Variants in ZMIZ1 observed in about 807,000 individuals in gnomAD.
ZMIZ1 encodes the protein zinc finger MIZ domain-containing protein 1.
In ZMIZ1, 17 loss-of-function variants were observed where a neutral mutation model predicts 113.9. That is an observed-to-expected ratio of 0.15 (90% CI 0.10 to 0.22). ZMIZ1 has a LOEUF of 0.22. Among genes scored for constraint, ZMIZ1 ranks in the 10% least tolerant of loss-of-function variants. The pLI, the probability that ZMIZ1 is intolerant of heterozygous loss-of-function variation, is 1.00. For missense variants in ZMIZ1, 1,059 were observed against 1,477.8 expected (o/e 0.72, Z 4.65); for synonymous variants, 607 against 603.1 (o/e 1.01, Z -0.09).
chr10:79,159,564 G>T (rs902536727), intron 3 of ZMIZ1, among the ~76,000 whole-genome samples: 2 of 152,210 alleles, frequency 1.3e-5, no homozygotes, highest in Admixed American at 1.3e-4. Flanking sequence ...CTTATTAGCT[G>T]TGCGACCTCA....
At chr10:79,219,143 G>A (rs752027564) in intron 7 of ZMIZ1, among the ~76,000 whole-genome samples, 1 of 152,134 alleles carries the variant, frequency 6.6e-6, no homozygotes, top group Non-Finnish European at 1.5e-5. Context: ...AGACAAGAGT[G>A]GAATGGAGAC....
chr10:79,302,095 C>T lies in ZMIZ1; in HGVS notation c.2020-12C>T, dbSNP rs767646153. 6.2e-7 allele frequency: 1 copy of T among 1,613,158 alleles called. No individual in the cohort carries two copies. Among genetic ancestry groups the T allele is most frequent in the Non-Finnish European group, 8.5e-7 (1 of 1,179,654 alleles). Reference sequence around the variant, plus strand: ...AGTGCACAGGAACTGAGTGTCTCCTCTCTCCCCGCAGTCCCACCTCTTCGT... The same window carrying T: ...AGTGCACAGGAACTGAGTGTCTCCTTTCTCCCCGCAGTCCCACCTCTTCGT... On this transcript the variant is annotated splice_polypyrimidine_tract_variant and intron_variant, in intron 17 of 24. Coordinates refer to ENST00000334512, the MANE Select transcript of ZMIZ1 (RefSeq NM_020338.4).
intron 5 of ZMIZ1, among the ~76,000 whole-genome samples, chr10:79,205,509 C>T (rs1040825506): frequency 2.6e-5 from 4 of 152,214 alleles, no homozygotes; most frequent in Non-Finnish European, 4.4e-5. Context: ...AACAGAGAAC[C>T]GTGGAGGGGC....
intron 7 of ZMIZ1, among the ~76,000 whole-genome samples, chr10:79,263,719 G>C (rs1319011597): frequency 1.3e-5 from 2 of 152,046 alleles, no homozygotes; most frequent in African/African-American, 4.8e-5. Flanking sequence ...TGGACACTAA[G>C]GGTTGAGGTC....
chr10:79,175,285 C>T (rs1020393508), intron 4 of ZMIZ1, among the ~76,000 whole-genome samples: 1 of 152,236 alleles, frequency 6.6e-6, no homozygotes, highest in African/African-American at 2.4e-5. Flanking sequence ...TGTCCCACTG[C>T]CCTCACGCTT....
chr10:79,093,567 T>C (rs1843064172), intron 1 of ZMIZ1, among the ~76,000 whole-genome samples: 2 of 152,124 alleles, frequency 1.3e-5, no homozygotes, highest in Non-Finnish European at 2.9e-5. Context: ...CCTCAAGTGA[T>C]CCACCCACTT....
At position 79,245,576 on chromosome 10, in the gene ZMIZ1, G is replaced by A. The variant is rs368157686; in HGVS notation, c.280+29302G>A. Among the ~76,000 whole-genome samples, 33 of 152,304 alleles carry A rather than the reference G, an allele frequency of 2.2e-4. No individual in the cohort carries two copies. In the East Asian group the frequency reaches 3.5e-3, roughly 16 times the overall value. On this transcript the variant is annotated intron_variant, in intron 7 of 24. Coordinates refer to ENST00000334512, the MANE Select transcript of ZMIZ1 (RefSeq NM_020338.4). The stretch of plus-strand genomic sequence containing the variant: ...CACTTCCAGATCTCAGTCTGCATTG[G>A]TTGAGCACCCAGTCCATGCAGTCCC...
intron 1 of ZMIZ1, among the ~76,000 whole-genome samples, chr10:79,090,899 C>T (rs574027458): frequency 6.6e-6 from 1 of 152,332 alleles, no homozygotes; most frequent in Non-Finnish European, 1.5e-5. Context: ...ATACACTGGC[C>T]TCATCGCCAG....
chr10:79,197,611 T>TACACACACACACACACACACACACACAC (rs71482719), intron 4 of ZMIZ1, among the ~76,000 whole-genome samples: 1 of 89,992 alleles, frequency 1.1e-5, no homozygotes, highest in Non-Finnish European at 2.7e-5. Flanking sequence ...CACACACACA[T>TACACACACACACACACACACACACACAC]ACACACACAC....
Position 79,190,388 on chromosome 10 carries a change from G to A in ZMIZ1, c.-49-11196G>A, listed in dbSNP as rs190810737. Reference sequence around the variant, plus strand: ...TGGGGCCTTCAAGGCTCTGCTCTACGCTCCCTGCCTCAGGCCTCCGTTTCC... The same window carrying A: ...TGGGGCCTTCAAGGCTCTGCTCTACACTCCCTGCCTCAGGCCTCCGTTTCC... On this transcript the variant is annotated intron_variant, in intron 4 of 24. Transcript: ENST00000334512. Among the ~76,000 whole-genome samples the A allele has an allele frequency of 2.3e-3, 357 of 152,262 alleles. 1 individual carries two copies. Among genetic ancestry groups the A allele is most frequent in the African/African-American group, 8.0e-3 (334 of 41,560 alleles).
intron 2 of ZMIZ1, among the ~76,000 whole-genome samples, chr10:79,120,695 A>G (rs933923647): frequency 1.3e-5 from 2 of 150,984 alleles, no homozygotes; most frequent in African/African-American, 4.9e-5. Flanking sequence ...AATTTTGGGC[A>G]CTCTGCAGGG....
chr10:79,308,834 A>G (rs1854913371), intron 23 of ZMIZ1, among the ~76,000 whole-genome samples: 1 of 151,982 alleles, frequency 6.6e-6, no homozygotes, highest in South Asian at 2.1e-4. Context: ...AGTTCCTAAC[A>G]CTGGAATATG....
intron 4 of ZMIZ1, among the ~76,000 whole-genome samples, chr10:79,171,879 G>A (rs1219479990): frequency 6.6e-6 from 1 of 152,172 alleles, no homozygotes; most frequent in East Asian, 1.9e-4. Flanking sequence ...CAGCAAGGAC[G>A]GAGCCATGCT....
chr10:79,263,917 A>G (rs1251506614), intron 7 of ZMIZ1, among the ~76,000 whole-genome samples: 2 of 152,100 alleles, frequency 1.3e-5, no homozygotes, highest in Non-Finnish European at 2.9e-5. Context: ...AACTGCCTAC[A>G]CCCACCTGGG....
rs1485193159 is a variant in ZMIZ1 at position 79,201,552 on chromosome 10, ATCC to A, written c.-49-31_-49-29del. The A allele has an allele frequency of 2.3e-4, 347 of 1,537,646 alleles. No individual in the cohort carries two copies. In the East Asian group the frequency reaches 3.6e-3, roughly 16 times the overall value. ...GCTCAAGGTTGGCAGGCCTGGCGTG[ATCC>A]AGTGACAACCTCTCCTTTCTCTTCG... On this transcript the variant is annotated intron_variant, in intron 4 of 24. Coordinates refer to ENST00000334512, the MANE Select transcript of ZMIZ1 (RefSeq NM_020338.4).
rs184389481 is a variant in ZMIZ1 at position 79,194,850 on chromosome 10, C to T, written c.-49-6734C>T. Among the ~76,000 whole-genome samples the T allele has an allele frequency of 1.5e-3, 222 of 152,358 alleles. 4 individuals are homozygous for T. The highest frequency in any genetic ancestry group is 1.2e-4 in the Non-Finnish European group (8 of 68,038). On this transcript the variant is annotated intron_variant, in intron 4 of 24. Coordinates refer to ENST00000334512, the MANE Select transcript of ZMIZ1 (RefSeq NM_020338.4). ...TGCACCAGGCGCCGCTAAGCATAGACACCCTCGCTCTGCTGGGTGGTGAGA... is the reference window on the plus strand; with the variant it reads ...TGCACCAGGCGCCGCTAAGCATAGATACCCTCGCTCTGCTGGGTGGTGAGA...
At chr10:79,274,318 G>A (rs1317546527) in intron 7 of ZMIZ1, among the ~76,000 whole-genome samples, 3 of 152,360 alleles carry the variant, frequency 2.0e-5, no homozygotes, top group Non-Finnish European at 4.4e-5. Flanking sequence ...GCAGGTCAAA[G>A]AAGCATGCAG....
intron 4 of ZMIZ1, among the ~76,000 whole-genome samples, chr10:79,183,557 A>G (rs1847222090): frequency 6.6e-6 from 1 of 152,152 alleles, no homozygotes; most frequent in South Asian, 2.1e-4. Flanking sequence ...CGGTATCCCC[A>G]TGGTTGGAGA....
intron 7 of ZMIZ1, among the ~76,000 whole-genome samples, chr10:79,267,492 A>G (rs1218935315): frequency 6.6e-6 from 1 of 152,250 alleles, no homozygotes; most frequent in Non-Finnish European, 1.5e-5. Flanking sequence ...TTCTATGTAT[A>G]GTAACTTACT....
Sources: allele counts gnomAD v4.1 joint callset (sites outside exome capture counted in the v4.1 genomes callset), GRCh38; gene constraint gnomAD v4.1.1; transcripts MANE v1.5; gene names NCBI Gene and HGNC (gene_info 2026-07-23, HGNC 2026-07-21).